ITPRID2: variants seen among roughly 807,000 people sequenced by gnomAD.
The protein encoded by ITPRID2 is ITPR interacting domain containing 2.
ITPRID2 carries 60 observed loss-of-function variants against 124.3 expected under a neutral mutation model. That is an observed-to-expected ratio of 0.48 (90% CI 0.39 to 0.60). The LOEUF (loss-of-function observed/expected upper bound fraction) is 0.60, where lower values mean the gene tolerates loss of function less well. Ranked by LOEUF, ITPRID2 falls within the 20% of genes least tolerant of loss-of-function variation. The pLI is 0.00. For synonymous variants in ITPRID2, 521 were observed against 542.9 expected (o/e 0.96, Z 0.56); for missense variants, 1,553 against 1,512.2 (o/e 1.03, Z -0.45).
At chr2:181,899,491 C>T (rs1692483210) in intron 6 of ITPRID2, among the ~76,000 whole-genome samples, 1 of 152,048 alleles carries the variant, frequency 6.6e-6, no homozygotes, top group African/African-American at 2.4e-5. Context: ...TAAGTTACAG[C>T]TTGATATTTA....
At chr2:181,911,182 GAA>G (rs1216568658) in intron 9 of ITPRID2, among the ~76,000 whole-genome samples, 2 of 152,146 alleles carry the variant, frequency 1.3e-5, no homozygotes, top group African/African-American at 4.8e-5. Flanking sequence ...GCATGAGAGA[GAA>G]GAGAGAACAA....
Position 181,916,133 on chromosome 2 carries a change from T to C in ITPRID2, c.2493T>C (p.Cys831=), listed in dbSNP as rs768019162. 1 of 1,614,102 alleles carries C rather than the reference T, an allele frequency of 6.2e-7. No homozygotes were observed. Among genetic ancestry groups the C allele is most frequent in the African/African-American group, 1.3e-5 (1 of 74,924 alleles). The part of the protein sequence containing the change: ...EECHHGRTPT[C]SRLAPPPMSQ... ...GCCATCATGGAAGGACTCCTACCTG[T>C]TCACGGCTTGCTCCACCACCAATGT... Residue 831 remains cysteine, a synonymous_variant, in exon 11 of 18, where the codon TGT becomes TGC. Transcript: ENST00000431877.
At chr2:181,908,738 C>T (rs569678422) in intron 8 of ITPRID2, among the ~76,000 whole-genome samples, 1 of 152,110 alleles carries the variant, frequency 6.6e-6, no homozygotes, top group African/African-American at 2.4e-5. Context: ...AACCTTTGGG[C>T]TTTTAAAAAT....
rs956706720 is a variant in ITPRID2 at position 181,919,722 on chromosome 2, A to G, written c.3144+276A>G. Among the ~76,000 whole-genome samples, 4 of 152,198 alleles carry G rather than the reference A, an allele frequency of 2.6e-5. No homozygotes were observed. Among genetic ancestry groups the G allele is most frequent in the African/African-American group, 9.7e-5 (4 of 41,450 alleles). ...ACGAAAGTTGAGGGTTTTTAAAGGA[A>G]AAATGCTAGTGAATTAACATATGAC... On this transcript the variant is annotated intron_variant, in intron 14 of 17. Transcript: ENST00000431877. The surrounding 1 kb of genome is among the most constrained non-coding windows in gnomAD (Gnocchi z 4.2).
Position 181,896,176 on chromosome 2 carries a change from T to A in ITPRID2, c.307+97T>A. 9.1e-7 allele frequency: 1 copy of A among 1,104,298 alleles called. No individual in the cohort carries two copies. The highest frequency in any genetic ancestry group is 1.4e-6 in the Non-Finnish European group (1 of 733,978). 68.4% of individuals were successfully genotyped at this position (1,104,298 alleles called of 1,614,324 possible). A position where few individuals can be genotyped will look rare whatever the true frequency, so the allele number is the denominator to read the frequency against. On this transcript the variant is annotated intron_variant, in intron 3 of 17. Coordinates refer to ENST00000431877, the MANE Select transcript of ITPRID2 (RefSeq NM_001130445.3). The surrounding 1 kb of genome is among the most constrained non-coding windows in gnomAD (Gnocchi z 4.3). ...TATATATGACTTATAAAAGTGATAT[T>A]CATGTTTATAGTATATGCTATTCTG...
chr2:181,904,999 T>C (rs1205503894), intron 8 of ITPRID2, among the ~76,000 whole-genome samples: 1 of 152,114 alleles, frequency 6.6e-6, no homozygotes, highest in African/African-American at 2.4e-5. Flanking sequence ...ACTTGCCTTA[T>C]AAAGTGTCTT....
At chr2:181,926,678 A>G (rs1270361243) in intron 16 of ITPRID2, among the ~76,000 whole-genome samples, 3 of 148,866 alleles carry the variant, frequency 2.0e-5, no homozygotes, top group African/African-American at 7.5e-5. Flanking sequence ...GTACCGCTGC[A>G]CTCCAACCTG....
chr2:181,926,211 C>CG (rs1694834461), intron 16 of ITPRID2, among the ~76,000 whole-genome samples: 1 of 151,744 alleles, frequency 6.6e-6, no homozygotes, highest in Non-Finnish European at 1.5e-5. Context: ...TTGCAGTGAG[C>CG]CGAGATTGCG....
In ITPRID2 at chr2:181,896,489, A is replaced by G. The variant is rs1417967564; in HGVS notation, c.307+410A>G. Among the ~76,000 whole-genome samples the G allele has an allele frequency of 1.3e-5, 2 of 152,022 alleles. No individual in the cohort carries two copies. The highest frequency in any genetic ancestry group is 2.9e-5 in the Non-Finnish European group (2 of 67,864). On this transcript the variant is annotated intron_variant, in intron 3 of 17. Coordinates refer to ENST00000431877, the MANE Select transcript of ITPRID2 (RefSeq NM_001130445.3). This position sits in a 1 kb window ranked among gnomAD's most constrained non-coding sequence, Gnocchi z 4.3. ...AAGACAGAATTCTAAAGTTCAAAGT[A>G]CAACAAGCATGTGCAGGCAGTGGCA...
chr2:181,929,229 AAAAG>A (rs879919232), intron 17 of ITPRID2, among the ~76,000 whole-genome samples: 81 of 151,818 alleles, frequency 5.3e-4, no homozygotes, highest in Middle Eastern at 3.4e-3. Flanking sequence ...GGTGAATGCA[AAAAG>A]AAAGAATAAG....
chr2:181,918,746 G>C lies in ITPRID2; in HGVS notation c.2866-9G>C. On this transcript the variant is annotated splice_polypyrimidine_tract_variant and intron_variant, in intron 12 of 17. Transcript: ENST00000431877. ...TTTAGAAGTGTAATTTTGTTATATT[G>C]CATTCTAGAATACTTTTCAGGAGCT... The C allele has an allele frequency of 6.2e-7, 1 of 1,613,670 alleles. No individual in the cohort carries two copies. The highest frequency in any genetic ancestry group is 8.5e-7 in the Non-Finnish European group (1 of 1,179,872).
rs1694246240 is a variant in ITPRID2 at position 181,918,516 on chromosome 2, A to G, written c.2788-82A>G. 4 of 1,570,404 alleles carry G rather than the reference A, an allele frequency of 2.5e-6. No individual in the cohort carries two copies. In the South Asian group the frequency reaches 4.8e-5, roughly 19 times the overall value. ...TTAAAGAGAAAAATATATAGGCCCC[A>G]AATTCTGCCTTTTAACCCCTTAAGT... On this transcript the variant is annotated intron_variant, in intron 11 of 17. Transcript: ENST00000431877.
In ITPRID2 at chr2:181,902,234, A is replaced by G; in HGVS notation, c.1181A>G (p.Glu394Gly). ...AATTTTAACCAAGGAACTGAAAATG[A>G]ACAAAGTAAAGAAACTCAAAGTCAT... is the stretch of plus-strand genomic sequence containing the variant. ...NSNFNQGTEN[E>G]QSKETQSHES... The change falls in exon 8 of 18, where the codon GAA becomes GGA. Residue 394 changes from glutamate (E) to glycine (G), a missense_variant. Glu to Gly is a moderately conservative substitution (Grantham distance 98, BLOSUM62 -2). Transcript: ENST00000431877. This position sits in a 1 kb window ranked among gnomAD's most constrained non-coding sequence, Gnocchi z 4.4. 1 of 1,613,224 alleles carries G rather than the reference A, an allele frequency of 6.2e-7. No individual in the cohort carries two copies. Among genetic ancestry groups the G allele is most frequent in the Non-Finnish European group, 8.5e-7 (1 of 1,179,462 alleles).
intron 16 of ITPRID2, among the ~76,000 whole-genome samples, chr2:181,925,013 A>G (rs1180786974): frequency 1.3e-5 from 2 of 152,250 alleles, no homozygotes; most frequent in African/African-American, 4.8e-5. Flanking sequence ...GCAAAATTAA[A>G]TGTCAAGGAG....
Position 181,892,415 on chromosome 2 carries a change from A to G in ITPRID2, c.211+138A>G. On this transcript the variant is annotated intron_variant, in intron 1 of 17. Coordinates refer to ENST00000431877, the MANE Select transcript of ITPRID2 (RefSeq NM_001130445.3). This position sits in a 1 kb window ranked among gnomAD's most constrained non-coding sequence, Gnocchi z 5.2. The stretch of plus-strand genomic sequence containing the variant: ...GGAGAGGGGACACTTCCGACCTTCA[A>G]ACGCGCGCGCTGAACGAGGCGCCCC... 8.4e-7 allele frequency: 1 copy of G among 1,194,898 alleles called. No homozygotes were observed. Among genetic ancestry groups the G allele is most frequent in the Middle Eastern group, 2.2e-4 (1 of 4,624 alleles). 74.0% of individuals were successfully genotyped at this position (1,194,898 alleles called of 1,614,324 possible).
At chr2:181,924,646 T>C (rs1694719155) in intron 16 of ITPRID2, among the ~76,000 whole-genome samples, 1 of 152,236 alleles carries the variant, frequency 6.6e-6, no homozygotes, top group African/African-American at 2.4e-5. Flanking sequence ...GTCAGGCCTT[T>C]GTTTCTTTCG....
At position 181,929,788 on chromosome 2, in the gene ITPRID2, A is replaced by G. The variant is rs1293910583; in HGVS notation, c.*241A>G. 3 of 511,412 alleles carry G rather than the reference A, an allele frequency of 5.9e-6. No individual in the cohort carries two copies. The highest frequency in any genetic ancestry group is 1.0e-5 in the Non-Finnish European group (3 of 298,280). The allele number at this position is 511,412 out of a possible 1,614,324, so 31.7% of individuals were successfully genotyped here. A position where few individuals can be genotyped will look rare whatever the true frequency, so the allele number is the denominator to read the frequency against. On this transcript the variant is annotated 3_prime_UTR_variant, in exon 18 of 18. Transcript: ENST00000431877. ...AAAACTCTAGCAGTTTGAAAAGCCT[A>G]ATATTTATTTGTATGTCAGTATTTT...
intron 14 of ITPRID2, among the ~76,000 whole-genome samples, chr2:181,920,319 T>C (rs963798116): frequency 6.6e-6 from 1 of 152,214 alleles, no homozygotes; most frequent in Non-Finnish European, 1.5e-5. Flanking sequence ...GGTTTTGATT[T>C]ATCATTCTGA....
In ITPRID2 at chr2:181,900,984, A is replaced by C. The variant is rs1692622100; in HGVS notation, c.712+80A>C. On this transcript the variant is annotated intron_variant, in intron 7 of 17. Coordinates refer to ENST00000431877, the MANE Select transcript of ITPRID2 (RefSeq NM_001130445.3). ...AAGATGGTCTTATTTTAAAGCCTTA[A>C]TTTTCAGGAATAGCACTGGAAAGTA... 2.7e-6 allele frequency: 3 copies of C among 1,092,364 alleles called. No homozygotes were observed. The Admixed American group carries it at 8.7e-5, about 32-fold the overall frequency. 67.7% of individuals were successfully genotyped at this position (1,092,364 alleles called of 1,614,324 possible). A position where few individuals can be genotyped will look rare whatever the true frequency, so the allele number is the denominator to read the frequency against.
Sources: gnomAD v4.1 joint callset for allele counts (sites outside exome capture counted in the v4.1 genomes callset) on GRCh38, gnomAD v4.1.1 for gene constraint, Gnocchi (gnomAD v3.1) non-coding constraint, MANE v1.5 for transcripts, NCBI Gene and HGNC (gene_info 2026-07-23, HGNC 2026-07-21) for gene names.